The following FAM227B variants were observed in gnomAD, a reference collection of about 807,000 sequenced individuals.
FAM227B encodes family with sequence similarity 227 member B, also known as protein FAM227B.
In FAM227B, 88 loss-of-function variants were observed where a neutral mutation model predicts 73.8. That is an observed-to-expected ratio of 1.19 (90% CI 1.00 to 1.42). The LOEUF (loss-of-function observed/expected upper bound fraction) is 1.42, where lower values mean the gene tolerates loss of function less well. FAM227B is among the 40% of genes most tolerant of loss of function. FAM227B has a pLI of 0.00. For synonymous variants in FAM227B, 210 were observed against 190.5 expected (o/e 1.10, Z -0.84); for missense variants, 632 against 590.9 (o/e 1.07, Z -0.72).
At chr15:49,401,633 A>G (rs1277696087) in intron 11 of FAM227B, among the ~76,000 whole-genome samples, 41 of 129,934 alleles carry the variant, frequency 3.2e-4, no homozygotes, top group African/African-American at 9.8e-4. Context: ...TGGATTAAGA[A>G]AATGTGGCAC....
intron 3 of FAM227B, among the ~76,000 whole-genome samples, chr15:49,593,189 C>A (rs1466400733): frequency 6.6e-6 from 1 of 152,160 alleles, no homozygotes; most frequent in South Asian, 2.1e-4. Flanking sequence ...CCGAGGGCTG[C>A]ACCCTCTGTC....
chr15:49,410,199 T>C lies in FAM227B; in HGVS notation c.1013-38800A>G, dbSNP rs539094528. Among the ~76,000 whole-genome samples the C allele has an allele frequency of 2.0e-5, 3 of 152,292 alleles. No homozygotes were observed. The South Asian group carries it at 6.2e-4, about 32-fold the overall frequency. The stretch of plus-strand genomic sequence containing the variant: ...TCAAGTGGAAATTTGTCCTCTATTA[T>C]TCTTGTAACATGTGATGGACTCAGA... On this transcript the variant is annotated intron_variant, in intron 11 of 15. Coordinates refer to ENST00000299338, the MANE Select transcript of FAM227B (RefSeq NM_152647.3).
intron 11 of FAM227B, among the ~76,000 whole-genome samples, chr15:49,427,715 C>A (rs2050246223): frequency 6.6e-6 from 1 of 151,942 alleles, no homozygotes; most frequent in Non-Finnish European, 1.5e-5. Context: ...AGCAATGCTT[C>A]CACACAGGAA....
At chr15:49,565,150 G>A (rs1412502312) in intron 9 of FAM227B, among the ~76,000 whole-genome samples, 1 of 152,108 alleles carries the variant, frequency 6.6e-6, no homozygotes, top group Non-Finnish European at 1.5e-5. Context: ...TTGGGAGGCT[G>A]AGGTGGGCGG....
At position 49,575,122 on chromosome 15, in the gene FAM227B, A is replaced by AC. The variant is rs2075367852; in HGVS notation, c.547-14dup. ...TAAAAACTCTTTCCTATGGAAAAAA[A>AC]CAAGAGAGAGATGCATGGAGATTAA... On this transcript the variant is annotated splice_polypyrimidine_tract_variant and intron_variant, in intron 7 of 15. Coordinates refer to ENST00000299338, the MANE Select transcript of FAM227B (RefSeq NM_152647.3). The AC allele has an allele frequency of 7.1e-7, 1 of 1,416,740 alleles. No individual in the cohort carries two copies. The highest frequency in any genetic ancestry group is 9.9e-7 in the Non-Finnish European group (1 of 1,015,002). 87.8% of individuals were successfully genotyped at this position (1,416,740 alleles called of 1,614,324 possible).
Position 49,422,706 on chromosome 15 carries a change from A to C in FAM227B, c.1013-51307T>G, listed in dbSNP as rs1448987989. 2.4e-6 allele frequency: 3 copies of C among 1,260,062 alleles called. No individual in the cohort carries two copies. In the South Asian group the frequency reaches 3.8e-5, roughly 16 times the overall value. 78.1% of individuals were successfully genotyped at this position (1,260,062 alleles called of 1,614,324 possible). ...CACAAATAAGAATCTAGATCTTCTC[A>C]CTTTCAGCCTAGGAATATAATACAT... On this transcript the variant is annotated intron_variant, in intron 11 of 15. Transcript: ENST00000299338.
chr15:49,605,329 G>A (rs2077448152), intron 3 of FAM227B, among the ~76,000 whole-genome samples: 1 of 152,186 alleles, frequency 6.6e-6, no homozygotes, highest in African/African-American at 2.4e-5. Context: ...TTGGTTTATG[G>A]GGTTGGGCCT....
At chr15:49,447,039 T>A (rs575693852) in intron 11 of FAM227B, among the ~76,000 whole-genome samples, 1 of 151,666 alleles carries the variant, frequency 6.6e-6, no homozygotes, top group East Asian at 1.9e-4. Flanking sequence ...TCATCCTGAA[T>A]AAATGGACTG....
intron 10 of FAM227B, among the ~76,000 whole-genome samples, chr15:49,512,917 C>A (rs1265759059): frequency 6.6e-6 from 1 of 152,170 alleles, no homozygotes; most frequent in Non-Finnish European, 1.5e-5. Context: ...CATGTCCCTG[C>A]AGAGGGCATG....
chr15:49,435,788 A>T (rs2051047498), intron 11 of FAM227B, among the ~76,000 whole-genome samples: 1 of 151,590 alleles, frequency 6.6e-6, no homozygotes, highest in Non-Finnish European at 1.5e-5. Context: ...TAGATATTCA[A>T]ATTAATATTA....
intron 11 of FAM227B, among the ~76,000 whole-genome samples, chr15:49,431,180 C>A (rs1331759541): frequency 6.6e-6 from 1 of 151,806 alleles, no homozygotes; most frequent in East Asian, 1.9e-4. Flanking sequence ...AATATAAACT[C>A]CTTTACTAAA....
chr15:49,370,791 C>G (rs1439859898), intron 12 of FAM227B, among the ~76,000 whole-genome samples: 2 of 152,182 alleles, frequency 1.3e-5, no homozygotes, highest in Non-Finnish European at 2.9e-5. Flanking sequence ...TAAGGCAACA[C>G]ATGGTGGTGA....
intron 11 of FAM227B, among the ~76,000 whole-genome samples, chr15:49,465,117 CCTT>C (rs1370728725): frequency 6.6e-6 from 1 of 151,620 alleles, no homozygotes; most frequent in Admixed American, 6.6e-5. Context: ...AGTAGAATGT[CCTT>C]CTTAATTTTA....
At chr15:49,598,263 G>C (rs1598462781) in intron 3 of FAM227B, among the ~76,000 whole-genome samples, 1 of 151,804 alleles carries the variant, frequency 6.6e-6, no homozygotes, top group African/African-American at 2.4e-5. Flanking sequence ...TTCTTTAATA[G>C]TTAATTGCTA....
At chr15:49,404,366 A>C (rs2048371201) in intron 11 of FAM227B, among the ~76,000 whole-genome samples, 1 of 152,146 alleles carries the variant, frequency 6.6e-6, no homozygotes. Flanking sequence ...GGGGTGTTAA[A>C]GTCCCCCACT....
intron 11 of FAM227B, among the ~76,000 whole-genome samples, chr15:49,470,526 C>T (rs938592139): frequency 2.6e-5 from 4 of 152,116 alleles, no homozygotes; most frequent in Non-Finnish European, 5.9e-5. Flanking sequence ...AACACATTAT[C>T]ACTCCCACCT....
chr15:49,419,492 T>C (rs1400148129), intron 11 of FAM227B, among the ~76,000 whole-genome samples: 1 of 152,200 alleles, frequency 6.6e-6, no homozygotes, highest in East Asian at 1.9e-4. Flanking sequence ...AAAAATGGGA[T>C]AAATGAACAC....
intron 11 of FAM227B, among the ~76,000 whole-genome samples, chr15:49,507,066 G>A (rs929237119): frequency 6.6e-6 from 1 of 151,906 alleles, no homozygotes; most frequent in African/African-American, 2.4e-5. Context: ...CTTTCTATCA[G>A]AAATCCCTAG....
At chr15:49,420,250 T>C (rs1026547314) in intron 11 of FAM227B, among the ~76,000 whole-genome samples, 4 of 152,254 alleles carry the variant, frequency 2.6e-5, no homozygotes, top group East Asian at 3.9e-4. Flanking sequence ...TCTTTGGTAA[T>C]AGAAAAGTAC....
Sources: allele counts gnomAD v4.1 joint callset (sites outside exome capture counted in the v4.1 genomes callset), GRCh38; gene constraint gnomAD v4.1.1; transcripts MANE v1.5; gene names NCBI Gene and HGNC (gene_info 2026-07-23, HGNC 2026-07-21).